Variants in ERBB4 observed in about 807,000 individuals in gnomAD.
ERBB4 encodes the protein erb-b2 receptor tyrosine kinase 4.
A neutral mutation model predicts 158.0 loss-of-function variants in ERBB4; 42 were observed. The ratio of observed to expected loss-of-function variants is 0.27; its 90% CI spans 0.21 to 0.34. The LOEUF (loss-of-function observed/expected upper bound fraction) is 0.34, where lower values mean the gene tolerates loss of function less well. Among genes scored for constraint, ERBB4 ranks in the 10% least tolerant of loss-of-function variants. The pLI is 1.00. For missense variants in ERBB4, 1,333 were observed against 1,624.1 expected (o/e 0.82, Z 3.08); for synonymous variants, 583 against 558.7 (o/e 1.04, Z -0.61).
chr2:211,604,335 T>C (rs1490255645), intron 19 of ERBB4, among the ~76,000 whole-genome samples: 3 of 152,324 alleles, frequency 2.0e-5, no homozygotes, highest in Non-Finnish European at 4.4e-5. Context: ...ACAGTGAAAC[T>C]GATTTTGTTC....
intron 1 of ERBB4, among the ~76,000 whole-genome samples, chr2:212,520,093 T>C (rs1309604254): frequency 6.6e-6 from 1 of 151,918 alleles, no homozygotes; most frequent in Non-Finnish European, 1.5e-5. Context: ...ATACCTTAAT[T>C]GGAAAAATAT....
chr2:211,549,298 G>A (rs933186015), intron 20 of ERBB4, among the ~76,000 whole-genome samples: 1 of 151,936 alleles, frequency 6.6e-6, no homozygotes, highest in Non-Finnish European at 1.5e-5. Flanking sequence ...ACATAGAAAA[G>A]GCAGAACTCA....
chr2:211,807,693 T>G (rs13008342), intron 3 of ERBB4, among the ~76,000 whole-genome samples: 135,800 of 152,218 alleles, frequency 0.89, 60,690 homozygotes, highest in East Asian at 0.95. Flanking sequence ...GGTATTTCTA[T>G]TTCTAGATCC....
chr2:212,126,750 G>A (rs1052975778), intron 1 of ERBB4, among the ~76,000 whole-genome samples: 5 of 152,084 alleles, frequency 3.3e-5, no homozygotes, highest in Admixed American at 1.3e-4. Context: ...ATACATTCAT[G>A]TCTTATATAC....
At chr2:212,409,054 A>C (rs1354602395) in intron 1 of ERBB4, among the ~76,000 whole-genome samples, 1 of 152,182 alleles carries the variant, frequency 6.6e-6, no homozygotes, top group Non-Finnish European at 1.5e-5. Context: ...TTTATTCAAG[A>C]ACACAGACAA....
intron 2 of ERBB4, among the ~76,000 whole-genome samples, chr2:212,123,033 C>A (rs1175107903): frequency 2.0e-5 from 3 of 152,174 alleles, no homozygotes; most frequent in Admixed American, 6.6e-5. Context: ...TCTATAAAGT[C>A]ATTGAGTTTC....
intron 19 of ERBB4, among the ~76,000 whole-genome samples, chr2:211,582,493 C>A (rs1003829717): frequency 6.6e-6 from 1 of 152,072 alleles, no homozygotes; most frequent in African/African-American, 2.4e-5. Flanking sequence ...ATATGAGATT[C>A]TTTTGAAAGT....
At chr2:211,434,029 A>T (rs2125438414) in intron 20 of ERBB4, among the ~76,000 whole-genome samples, 1 of 152,354 alleles carries the variant, frequency 6.6e-6, no homozygotes, top group East Asian at 1.9e-4. Context: ...TTTATAAAAT[A>T]ATCATCCTTA....
chr2:211,626,238 A>G (rs956073725), intron 17 of ERBB4, among the ~76,000 whole-genome samples: 2 of 152,218 alleles, frequency 1.3e-5, no homozygotes, highest in African/African-American at 4.8e-5. Context: ...TCTCATTAAT[A>G]TATTTTTGAA....
intron 20 of ERBB4, among the ~76,000 whole-genome samples, chr2:211,439,077 C>T (rs2063918317): frequency 6.6e-6 from 1 of 151,634 alleles, no homozygotes; most frequent in African/African-American, 2.4e-5. Flanking sequence ...TGCCCAGAAA[C>T]CTCTTTAGGA....
At chr2:211,748,914 A>T (rs1045166752) in intron 5 of ERBB4, among the ~76,000 whole-genome samples, 1 of 152,224 alleles carries the variant, frequency 6.6e-6, no homozygotes, top group African/African-American at 2.4e-5. Flanking sequence ...TCAGACCAGC[A>T]CTGGGATGCA....
intron 1 of ERBB4, among the ~76,000 whole-genome samples, chr2:212,373,654 T>A (rs1231963739): frequency 6.7e-6 from 1 of 149,810 alleles, no homozygotes; most frequent in Non-Finnish European, 1.5e-5. Flanking sequence ...CTATTTTATA[T>A]GATATGGTTG....
At chr2:212,053,456 T>C (rs2077460009) in intron 2 of ERBB4, among the ~76,000 whole-genome samples, 1 of 152,102 alleles carries the variant, frequency 6.6e-6, no homozygotes, top group Non-Finnish European at 1.5e-5. Flanking sequence ...GCCACAACTC[T>C]ATTTCATGCA....
chr2:211,559,728 A>G (rs1032684107), intron 20 of ERBB4, among the ~76,000 whole-genome samples: 60 of 152,212 alleles, frequency 3.9e-4, no homozygotes, highest in African/African-American at 1.1e-3. Flanking sequence ...ATTAGGGTGC[A>G]CAGAGAGAAC....
chr2:211,490,452 A>G (rs1379781339), intron 20 of ERBB4, among the ~76,000 whole-genome samples: 1 of 152,046 alleles, frequency 6.6e-6, no homozygotes, highest in Non-Finnish European at 1.5e-5. Context: ...CATTCAACGT[A>G]TTTCACTAGT....
chr2:211,631,390 T>G (rs966246304), intron 16 of ERBB4, among the ~76,000 whole-genome samples: 2 of 152,166 alleles, frequency 1.3e-5, no homozygotes, highest in Non-Finnish European at 2.9e-5. Context: ...GGTTCAGACA[T>G]GTTTTCAGAA....
chr2:211,628,415 G>C (rs180674969), intron 17 of ERBB4, among the ~76,000 whole-genome samples: 1 of 152,072 alleles, frequency 6.6e-6, no homozygotes, highest in Non-Finnish European at 1.5e-5. Context: ...GAGAACATGC[G>C]GTGTTTGGTT....
At chr2:211,726,623 A>G (rs1279962485) in intron 5 of ERBB4, among the ~76,000 whole-genome samples, 1 of 152,124 alleles carries the variant, frequency 6.6e-6, no homozygotes, top group Non-Finnish European at 1.5e-5. Context: ...ATTCCTCAGT[A>G]CTTTCCCTCC....
chr2:211,506,276 A>C (rs1226205321), intron 20 of ERBB4, among the ~76,000 whole-genome samples: 1 of 152,114 alleles, frequency 6.6e-6, no homozygotes, highest in Non-Finnish European at 1.5e-5. Context: ...ATGCTACTAG[A>C]CCCAAGAAAA....
Sources: gnomAD v4.1 joint callset for allele counts (sites outside exome capture counted in the v4.1 genomes callset) on GRCh38, gnomAD v4.1.1 for gene constraint, MANE v1.5 for transcripts, NCBI Gene and HGNC (gene_info 2026-07-23, HGNC 2026-07-21) for gene names.